Variants in CALN1 observed in about 807,000 individuals in gnomAD.
CALN1 encodes the protein calneuron 1, also known as calcium-binding protein 8.
In CALN1, 17 loss-of-function variants were observed where a neutral mutation model predicts 30.6. The observed-to-expected ratio is 0.56, with a 90% CI of 0.38 to 0.83. The LOEUF is 0.83. Among genes scored for constraint, CALN1 ranks in the 40% least tolerant of loss-of-function variants. The pLI is 0.00. For missense variants in CALN1, 291 were observed against 354.9 expected, an observed-to-expected ratio of 0.82 and a Z score of 1.45; for synonymous variants, 156 against 131.4, an observed-to-expected ratio of 1.19 and a Z score of -1.28.
At chr7:71,994,089 C>T (rs939537046) in intron 5 of CALN1, among the ~76,000 whole-genome samples, 5 of 151,926 alleles carry the variant, frequency 3.3e-5, no homozygotes, top group Admixed American at 2.0e-4. Flanking sequence ...ATACCCAACC[C>T]CTACTATAAA....
intron 5 of CALN1, among the ~76,000 whole-genome samples, chr7:71,975,775 T>G (rs945912322): frequency 1.3e-5 from 2 of 151,414 alleles, no homozygotes; most frequent in African/African-American, 4.8e-5. Context: ...ATAATTATTT[T>G]TAACCATGAA....
At chr7:71,800,613 A>G (rs538899184) in intron 6 of CALN1, among the ~76,000 whole-genome samples, 1 of 152,192 alleles carries the variant, frequency 6.6e-6, no homozygotes, top group East Asian at 1.9e-4. Context: ...CTTCTACTCG[A>G]CTTCCAAATA....
intron 5 of CALN1, among the ~76,000 whole-genome samples, chr7:71,931,052 AG>A (rs1312204383): frequency 6.6e-6 from 1 of 152,174 alleles, no homozygotes; most frequent in Admixed American, 6.5e-5. Flanking sequence ...GAAACTGTGG[AG>A]GTACTTAATA....
chr7:72,437,431 G>A (rs1167538212), intron 1 of CALN1, among the ~76,000 whole-genome samples: 1 of 152,026 alleles, frequency 6.6e-6, no homozygotes, highest in Non-Finnish European at 1.5e-5. Flanking sequence ...GGTTGCTAAG[G>A]GCTGTTTTAG....
chr7:72,492,636 C>A, the CALN1 span, among the ~76,000 whole-genome samples: 1 of 152,220 alleles, frequency 6.6e-6, no homozygotes, highest in Non-Finnish European at 1.5e-5. Flanking sequence ...CCATGCCAAC[C>A]GCTGGGTCAG....
chr7:72,245,484 T>C (rs1388654013), intron 3 of CALN1, among the ~76,000 whole-genome samples: 3 of 152,036 alleles, frequency 2.0e-5, no homozygotes, highest in African/African-American at 4.8e-5. Flanking sequence ...CCGGGCATGG[T>C]GGTGGGCACC....
chr7:72,374,397 A>C (rs1914396), intron 2 of CALN1, among the ~76,000 whole-genome samples: 149,326 of 152,038 alleles, frequency 0.98, 73,385 homozygotes, highest in Middle Eastern at 1. Context: ...GGTGTGGTGG[A>C]GGGCGCCTGT....
chr7:72,348,678 T>A (rs1802770762), intron 2 of CALN1, among the ~76,000 whole-genome samples: 1 of 152,118 alleles, frequency 6.6e-6, no homozygotes, highest in Non-Finnish European at 1.5e-5. Flanking sequence ...ACCCGGCGGG[T>A]ACAATACAGC....
intron 2 of CALN1, among the ~76,000 whole-genome samples, chr7:72,373,853 A>G (rs951732548): frequency 2.0e-5 from 3 of 152,248 alleles, no homozygotes; most frequent in African/African-American, 7.2e-5. Flanking sequence ...ATAGAAAAAC[A>G]TCTTGAAAGT....
chr7:72,312,394 GAAAAAAA>G (rs768174448), intron 2 of CALN1, among the ~76,000 whole-genome samples: 17 of 71,832 alleles, frequency 2.4e-4, no homozygotes, highest in Admixed American at 6.6e-4. Flanking sequence ...CTTCATCTCA[GAAAAAAA>G]AAAAAAAAAA....
At chr7:72,288,597 AGT>A (rs1381915304) in intron 2 of CALN1, among the ~76,000 whole-genome samples, 3 of 152,216 alleles carry the variant, frequency 2.0e-5, no homozygotes, top group Non-Finnish European at 4.4e-5. Context: ...TTAGTCTAGG[AGT>A]GTGTCAATTT....
the CALN1 span, among the ~76,000 whole-genome samples, chr7:72,479,560 T>A: frequency 1.3e-5 from 2 of 150,836 alleles, no homozygotes; most frequent in African/African-American, 4.9e-5. Context: ...CAATTTTTTT[T>A]TTTTTTTTTT....
intron 5 of CALN1, among the ~76,000 whole-genome samples, chr7:71,891,949 T>TA (rs1272203534): frequency 7.4e-4 from 99 of 133,356 alleles, no homozygotes; most frequent in African/African-American, 2.7e-3. Flanking sequence ...GTCTCAAAAA[T>TA]AAATAAATAA....
At chr7:72,253,821 A>T (rs1453235053) in intron 3 of CALN1, among the ~76,000 whole-genome samples, 1 of 152,060 alleles carries the variant, frequency 6.6e-6, no homozygotes, top group East Asian at 1.9e-4. Flanking sequence ...GCTCACTGCA[A>T]CCTCCGCCTC....
At chr7:72,211,930 G>T (rs954956277) in intron 3 of CALN1, among the ~76,000 whole-genome samples, 7 of 152,154 alleles carry the variant, frequency 4.6e-5, no homozygotes, top group Non-Finnish European at 1.5e-5. Context: ...CACATTAAAA[G>T]CACAATAAAC....
intron 3 of CALN1, among the ~76,000 whole-genome samples, chr7:72,242,909 A>C (rs1794930817): frequency 6.6e-6 from 1 of 152,160 alleles, no homozygotes; most frequent in Non-Finnish European, 1.5e-5. Context: ...TAAAATTAAA[A>C]AATAAAAATT....
intron 1 of CALN1, among the ~76,000 whole-genome samples, chr7:72,426,136 C>G (rs1807793473): frequency 6.6e-6 from 1 of 152,208 alleles, no homozygotes; most frequent in African/African-American, 2.4e-5. Flanking sequence ...GACTTGAATC[C>G]ACTTACCCCA....
intron 3 of CALN1, among the ~76,000 whole-genome samples, chr7:72,164,538 C>T (rs1788380978): frequency 6.6e-6 from 1 of 152,174 alleles, no homozygotes; most frequent in Non-Finnish European, 1.5e-5. Flanking sequence ...AGAGGAACCA[C>T]AGCCCAGCTG....
chr7:72,002,198 C>T (rs1466866507), intron 5 of CALN1, among the ~76,000 whole-genome samples: 1 of 152,136 alleles, frequency 6.6e-6, no homozygotes, highest in Admixed American at 6.5e-5. Flanking sequence ...GAGATTTGAT[C>T]CTGAAAAACC....
Sources: gnomAD v4.1 joint callset for allele counts (sites outside exome capture counted in the v4.1 genomes callset) on GRCh38, gnomAD v4.1.1 for gene constraint, MANE v1.5 for transcripts, NCBI Gene and HGNC (gene_info 2026-07-23, HGNC 2026-07-21) for gene names.